The following GRXCR1 variants were observed in gnomAD, a reference collection of about 807,000 sequenced individuals.
The protein encoded by GRXCR1 is glutaredoxin domain-containing cysteine-rich protein 1.
A neutral mutation model predicts 27.3 loss-of-function variants in GRXCR1; 27 were observed. That is an observed-to-expected ratio of 0.99 (90% CI 0.73 to 1.37). The LOEUF (loss-of-function observed/expected upper bound fraction) is 1.37, where lower values mean the gene tolerates loss of function less well. Among genes scored for constraint, GRXCR1 ranks in the 40% most tolerant of loss-of-function variants. The pLI is 0.00. For synonymous variants in GRXCR1, 122 were observed against 131.1 expected (o/e 0.93, Z 0.47); for missense variants, 379 against 354.4 (o/e 1.07, Z -0.56).
chr4:42,961,926 G>A (rs1173965538), intron 1 of GRXCR1, among the ~76,000 whole-genome samples: 2 of 151,932 alleles, frequency 1.3e-5, no homozygotes, highest in Non-Finnish European at 2.9e-5. Context: ...TTGTGTGGTT[G>A]TGCTTTAAAA....
rs6814320 is a variant in GRXCR1, at chr4:43,027,969, C to T, written c.694-2392C>T. On this transcript the variant is annotated intron_variant, in intron 3 of 3. Transcript: ENST00000399770. ...ACTAAAAATACAAAAATTAGCCAGG[C>T]GTGGTGACATGCACCTGTAATCCCA... Among the ~76,000 whole-genome samples the T allele has an allele frequency of 5.1e-3, 782 of 152,106 alleles. 8 individuals carry two copies. Among genetic ancestry groups the T allele is most frequent in the African/African-American group, 0.018 (760 of 41,482 alleles).
intron 1 of GRXCR1, among the ~76,000 whole-genome samples, chr4:42,938,959 C>T (rs1391607937): frequency 6.6e-6 from 1 of 151,152 alleles, no homozygotes; most frequent in African/African-American, 2.4e-5. Context: ...CAGTTTTATT[C>T]TTTTTGCTTA....
chr4:43,002,900 C>A (rs1338512733), intron 2 of GRXCR1, among the ~76,000 whole-genome samples: 2 of 152,156 alleles, frequency 1.3e-5, no homozygotes, highest in Non-Finnish European at 2.9e-5. Context: ...AAATTGTAAT[C>A]CCCATGTGTC....
chr4:42,990,310 G>A (rs1711927851), intron 2 of GRXCR1, among the ~76,000 whole-genome samples: 2 of 143,632 alleles, frequency 1.4e-5, no homozygotes, highest in Non-Finnish European at 3.0e-5. Context: ...TCCTGCCTCA[G>A]CCTCCCAAGT....
chr4:42,923,472 AGTTAAAAAAATGGACTATT>A (rs1202381742), intron 1 of GRXCR1, among the ~76,000 whole-genome samples: 1 of 152,144 alleles, frequency 6.6e-6, no homozygotes, highest in Non-Finnish European at 1.5e-5. Flanking sequence ...TAACTTTGCC[AGTTAAAAAAATGGACTATT>A]TATCCAAATG....
intron 2 of GRXCR1, among the ~76,000 whole-genome samples, chr4:42,966,598 A>G (rs1294229450): frequency 6.6e-6 from 1 of 152,118 alleles, no homozygotes; most frequent in Non-Finnish European, 1.5e-5. Flanking sequence ...CTCAGCAGAC[A>G]TGGGTGCCCA....
At chr4:43,018,069 C>T (rs1445245383) in intron 2 of GRXCR1, among the ~76,000 whole-genome samples, 1 of 152,130 alleles carries the variant, frequency 6.6e-6, no homozygotes, top group Non-Finnish European at 1.5e-5. Flanking sequence ...TGAGAGAAGG[C>T]GATCATTTGA....
intron 3 of GRXCR1, among the ~76,000 whole-genome samples, chr4:43,025,164 A>G (rs185355520): frequency 6.6e-6 from 1 of 152,288 alleles, no homozygotes; most frequent in Admixed American, 6.5e-5. Flanking sequence ...CTATTTCACA[A>G]TCATTCATAA....
intron 3 of GRXCR1, among the ~76,000 whole-genome samples, chr4:43,025,100 G>A (rs144793204): frequency 3.3e-5 from 5 of 152,146 alleles, no homozygotes; most frequent in African/African-American, 1.2e-4. Flanking sequence ...ATAACTGGGG[G>A]TAAACTTACA....
At chr4:42,943,579 A>G (rs1286803031) in intron 1 of GRXCR1, among the ~76,000 whole-genome samples, 1 of 152,128 alleles carries the variant, frequency 6.6e-6, no homozygotes, top group Non-Finnish European at 1.5e-5. Flanking sequence ...ACAGGCAGGG[A>G]GCATCTAGAG....
At chr4:42,990,480 TC>T (rs1420189221) in intron 2 of GRXCR1, among the ~76,000 whole-genome samples, 1 of 152,060 alleles carries the variant, frequency 6.6e-6, no homozygotes, top group Non-Finnish European at 1.5e-5. Context: ...TTTTATGTTT[TC>T]CTAAGGAATC....
chr4:42,997,145 A>T (rs1712192520), intron 2 of GRXCR1, among the ~76,000 whole-genome samples: 1 of 152,162 alleles, frequency 6.6e-6, no homozygotes, highest in African/African-American at 2.4e-5. Flanking sequence ...AATATTCTAT[A>T]TTAATAGGTT....
At chr4:42,972,764 T>C (rs1748419106) in intron 2 of GRXCR1, among the ~76,000 whole-genome samples, 1 of 152,152 alleles carries the variant, frequency 6.6e-6, no homozygotes, top group Non-Finnish European at 1.5e-5. Context: ...GGTGTAGCCA[T>C]GATTCAAATT....
At chr4:42,950,294 T>C (rs1407945556) in intron 1 of GRXCR1, among the ~76,000 whole-genome samples, 1 of 152,156 alleles carries the variant, frequency 6.6e-6, no homozygotes, top group Non-Finnish European at 1.5e-5. Context: ...GCAACTTGAA[T>C]ATTTTAACAA....
chr4:42,938,330 TTGA>T (rs1392864241), intron 1 of GRXCR1, among the ~76,000 whole-genome samples: 1 of 152,156 alleles, frequency 6.6e-6, no homozygotes, highest in African/African-American at 2.4e-5. Flanking sequence ...CCATTCTCTG[TTGA>T]TGAACACAGT....
intron 2 of GRXCR1, among the ~76,000 whole-genome samples, chr4:43,001,160 G>T (rs1391628325): frequency 6.6e-6 from 1 of 151,252 alleles, no homozygotes; most frequent in African/African-American, 2.4e-5. Flanking sequence ...TTTTAAAGAC[G>T]ATAGGATGCC....
chr4:42,932,613 T>G (rs867705205), intron 1 of GRXCR1, among the ~76,000 whole-genome samples: 886 of 39,214 alleles, frequency 0.023, 15 homozygotes, highest in African/African-American at 0.048. Context: ...TATATATATA[T>G]ATATATAGAG....
chr4:42,899,835 A>T (rs1248557590), intron 1 of GRXCR1, among the ~76,000 whole-genome samples: 1 of 152,154 alleles, frequency 6.6e-6, no homozygotes, highest in Non-Finnish European at 1.5e-5. Context: ...TGACATTTTA[A>T]ACTGTGGAAC....
At chr4:42,933,719 A>G (rs531693383) in intron 1 of GRXCR1, among the ~76,000 whole-genome samples, 1 of 152,056 alleles carries the variant, frequency 6.6e-6, no homozygotes, top group South Asian at 2.1e-4. Flanking sequence ...GAAGATGCAG[A>G]GAAGATGCCA....
Sources: gnomAD v4.1 joint callset for allele counts (sites outside exome capture counted in the v4.1 genomes callset) on GRCh38, gnomAD v4.1.1 for gene constraint, MANE v1.5 for transcripts, NCBI Gene and HGNC (gene_info 2026-07-23, HGNC 2026-07-21) for gene names.